Variants in GRIN2B observed in about 807,000 individuals in gnomAD.
GRIN2B encodes glutamate ionotropic receptor NMDA type subunit 2B.
GRIN2B carries 5 observed loss-of-function variants against 114.5 expected under a neutral mutation model. The ratio of observed to expected loss-of-function variants is 0.04; its 90% CI spans 0.02 to 0.09. The LOEUF is 0.09. Ranked by LOEUF, GRIN2B falls within the 10% of genes least tolerant of loss-of-function variation. The pLI is 1.00. For missense variants in GRIN2B, 1,108 were observed against 1,943.5 expected, an observed-to-expected ratio of 0.57 and a Z score of 8.08; for synonymous variants, 787 against 745.1, an observed-to-expected ratio of 1.06 and a Z score of -0.92.
At chr12:13,784,944 T>C (rs1864197364) in intron 3 of GRIN2B, among the ~76,000 whole-genome samples, 2 of 152,244 alleles carry the variant, frequency 1.3e-5, no homozygotes, top group South Asian at 4.1e-4. Flanking sequence ...AAACGAGACA[T>C]GGTTGTTATT....
At chr12:13,568,789 AAAGTG>A (rs1346204816) in intron 12 of GRIN2B, among the ~76,000 whole-genome samples, 1 of 152,228 alleles carries the variant, frequency 6.6e-6, no homozygotes, top group Non-Finnish European at 1.5e-5. Context: ...TTTGTACAAT[AAAGTG>A]AAGAGGGATG....
intron 2 of GRIN2B, among the ~76,000 whole-genome samples, chr12:13,881,202 G>T (rs781547477): frequency 6.6e-6 from 1 of 151,992 alleles, no homozygotes; most frequent in Non-Finnish European, 1.5e-5. Flanking sequence ...TCCACTTGCC[G>T]CTTTTTTTCT....
At chr12:13,665,493 T>C (rs1949965481) in intron 5 of GRIN2B, among the ~76,000 whole-genome samples, 1 of 152,102 alleles carries the variant, frequency 6.6e-6, no homozygotes, top group Non-Finnish European at 1.5e-5. Context: ...TACATTTGGA[T>C]CCCATTAGTC....
intron 2 of GRIN2B, among the ~76,000 whole-genome samples, chr12:13,877,043 A>G (rs937744311): frequency 2.0e-5 from 3 of 152,238 alleles, no homozygotes; most frequent in African/African-American, 7.2e-5. Context: ...TTCTTGATAT[A>G]TAGGGATCAT....
chr12:13,632,326 G>A (rs920429708), intron 5 of GRIN2B, among the ~76,000 whole-genome samples: 2 of 152,236 alleles, frequency 1.3e-5, no homozygotes, highest in Non-Finnish European at 2.9e-5. Flanking sequence ...TGAGTCACTT[G>A]TAAATAGAAA....
intron 3 of GRIN2B, among the ~76,000 whole-genome samples, chr12:13,798,261 A>G (rs1251133554): frequency 6.6e-6 from 1 of 152,100 alleles, no homozygotes; most frequent in East Asian, 1.9e-4. Flanking sequence ...TTGTAGAGTT[A>G]TGAAACAAGG....
At chr12:13,626,261 T>C (rs1238504569) in intron 5 of GRIN2B, among the ~76,000 whole-genome samples, 2 of 152,176 alleles carry the variant, frequency 1.3e-5, no homozygotes, top group African/African-American at 4.8e-5. Context: ...AACTTCTTCC[T>C]GGACATGTGT....
At chr12:13,855,467 CA>C (rs1447884418) in intron 3 of GRIN2B, among the ~76,000 whole-genome samples, 1 of 152,136 alleles carries the variant, frequency 6.6e-6, no homozygotes, top group Non-Finnish European at 1.5e-5. Flanking sequence ...CTTAAAACAA[CA>C]GAAATGTATT....
At chr12:13,636,246 T>C (rs571069003) in intron 5 of GRIN2B, among the ~76,000 whole-genome samples, 25 of 152,280 alleles carry the variant, frequency 1.6e-4, no homozygotes, top group African/African-American at 6.0e-4. Context: ...GCAAGTTGGC[T>C]AGTATAGCTG....
At position 13,553,966 on chromosome 12, in the gene GRIN2B, T is replaced by G. The variant is rs1439237095; in HGVS notation, c.*8817A>C. ...AGAAAAATCCAGATTCCATTTGAAATAATGAACTGTATACATGTAGTATAT... is the reference window on the plus strand; with the variant it reads ...AGAAAAATCCAGATTCCATTTGAAAGAATGAACTGTATACATGTAGTATAT... On this transcript the variant is annotated 3_prime_UTR_variant, in exon 14 of 14. Coordinates refer to ENST00000609686, the MANE Select transcript of GRIN2B (RefSeq NM_000834.5). 6.6e-6 allele frequency: 1 copy of G among 152,106 alleles called. No individual in the cohort carries two copies. Among genetic ancestry groups the G allele is most frequent in the Non-Finnish European group, 1.5e-5 (1 of 68,010 alleles). The allele number at this position is 152,106 out of a possible 1,614,324, so 9.4% of individuals were successfully genotyped here.
At chr12:13,566,884 C>T in intron 13 of GRIN2B, 141 bp downstream of exon 13, 1 of 713,792 alleles carries the variant, frequency 1.4e-6, no homozygotes, top group South Asian at 1.6e-5. Context: ...CACACAAACT[C>T]CTAAGAAAAC....
chr12:13,843,346 A>G (rs1865418648), intron 3 of GRIN2B, among the ~76,000 whole-genome samples: 1 of 152,082 alleles, frequency 6.6e-6, no homozygotes, highest in Non-Finnish European at 1.5e-5. Context: ...GTCTGCATCA[A>G]GTACCCCTAG....
rs994727933 is a variant in GRIN2B, at chr12:13,981,437, T to C, written c.-543A>G. The C allele has an allele frequency of 1.1e-4, 16 of 152,028 alleles. No homozygotes were observed. Among genetic ancestry groups the C allele is most frequent in the African/African-American group, 3.4e-4 (14 of 41,364 alleles). The allele number at this position is 152,028 out of a possible 1,614,324, so 9.4% of individuals were successfully genotyped here. A position where few individuals can be genotyped will look rare whatever the true frequency, so the allele number is the denominator to read the frequency against. The stretch of plus-strand genomic sequence containing the variant: ...CTTTCCTGCAAAGCAGGATTAATGA[T>C]CCGTCTCGGGGGTTTTGAAGTTCAT... On this transcript the variant is annotated 5_prime_UTR_variant, in exon 1 of 14. Transcript: ENST00000609686.
chr12:13,640,430 T>A (rs1405561107), intron 5 of GRIN2B, among the ~76,000 whole-genome samples: 1 of 152,132 alleles, frequency 6.6e-6, no homozygotes, highest in African/African-American at 2.4e-5. Context: ...GTTAAGCCTA[T>A]CTTGTCTCAC....
intron 5 of GRIN2B, among the ~76,000 whole-genome samples, chr12:13,668,095 G>T (rs1177885846): frequency 6.6e-6 from 1 of 152,158 alleles, no homozygotes; most frequent in African/African-American, 2.4e-5. Context: ...ACATTTAAAT[G>T]AGATGGATGA....
chr12:13,975,903 G>T (rs963058902), intron 2 of GRIN2B, among the ~76,000 whole-genome samples: 5 of 152,214 alleles, frequency 3.3e-5, no homozygotes, highest in African/African-American at 1.2e-4. Context: ...CAAGGTAGAC[G>T]TGCATGAGGT....
intron 8 of GRIN2B, among the ~76,000 whole-genome samples, chr12:13,612,938 A>AG (rs558060569): frequency 2.0e-5 from 3 of 152,252 alleles, no homozygotes; most frequent in Non-Finnish European, 4.4e-5. Flanking sequence ...AAGTTTAAAA[A>AG]GGGGAAAAAT....
At chr12:13,632,953 A>AT (rs1949629493) in intron 5 of GRIN2B, among the ~76,000 whole-genome samples, 1 of 152,192 alleles carries the variant, frequency 6.6e-6, no homozygotes, top group South Asian at 2.1e-4. Flanking sequence ...CAACCTATTG[A>AT]TTTTCCTAGT....
intron 2 of GRIN2B, among the ~76,000 whole-genome samples, chr12:13,908,601 T>G (rs1040176109): frequency 6.6e-6 from 1 of 152,200 alleles, no homozygotes; most frequent in Non-Finnish European, 1.5e-5. Context: ...TTCCTTATAA[T>G]GAGTTGAACT....
Sources: allele counts gnomAD v4.1 joint callset (sites outside exome capture counted in the v4.1 genomes callset), GRCh38; gene constraint gnomAD v4.1.1; transcripts MANE v1.5; gene names NCBI Gene and HGNC (gene_info 2026-07-23, HGNC 2026-07-21).